CES2: variants seen among roughly 807,000 people sequenced by gnomAD.
CES2 encodes the protein carboxylesterase 2, also known as cocaine esterase.
CES2 carries 42 observed loss-of-function variants against 52.1 expected under a neutral mutation model. That is an observed-to-expected ratio of 0.81 (90% confidence interval 0.63 to 1.04). The LOEUF is 1.04. CES2 is among the 50% of genes least tolerant of loss of function. The probability of loss-of-function intolerance (pLI) is 0.00; values close to 1 mark genes in which losing one functional copy is unlikely to be tolerated. For missense variants in CES2, 656 were observed against 724.3 expected, an observed-to-expected ratio of 0.91 and a Z score of 1.08; for synonymous variants, 277 against 289.6, an observed-to-expected ratio of 0.96 and a Z score of 0.44.
chr16:66,942,205 A>G lies in CES2; in HGVS notation c.1238A>G (p.Asp413Gly), dbSNP rs185100201. ...GCGCAGTTCCAGGAGATGATGGCGGACTCCATGTTTGTGATCCCTGCACTC... is the reference window on the plus strand; with the variant it reads ...GCGCAGTTCCAGGAGATGATGGCGGGCTCCATGTTTGTGATCCCTGCACTC... ...LQAQFQEMMA[D>G]SMFVIPALQV... Residue 413 changes from aspartate (D) to glycine (G), a missense_variant, in exon 9 of 12, where the codon GAC (aspartate) becomes GGC (glycine). Coordinates refer to ENST00000317091, the MANE Select transcript of CES2 (RefSeq NM_001365405.1). 4.3e-6 allele frequency: 7 copies of G among 1,613,404 alleles called. No homozygotes were observed. The highest frequency in any genetic ancestry group is 5.9e-6 in the Non-Finnish European group (7 of 1,179,708).
At chr16:66,939,141 G>A (rs1963290946) in intron 2 of CES2, 76 bp from the exon 3 acceptor site, 1 of 1,298,974 alleles carries the variant, frequency 7.7e-7, no homozygotes, top group Non-Finnish European at 1.1e-6. Flanking sequence ...GAGGGTGGCT[G>A]GGAGCACCTC....
Position 66,940,321 on chromosome 16 carries a change from A to G in CES2, c.523A>G (p.Ile175Val). The change falls in exon 4 of 12, where the codon ATC becomes GTC. Residue 175 changes from isoleucine (I) to valine (V), a missense_variant. Physicochemically the swap from Ile to Val is conservative, Grantham distance 29. Coordinates refer to ENST00000317091, the MANE Select transcript of CES2 (RefSeq NM_001365405.1). ...AALENVVVVIIQYRLGVLGFF... is the reference protein window; with the variant it reads ...AALENVVVVIVQYRLGVLGFF... ...CTTGGAGAACGTGGTGGTGGTCATC[A>G]TCCAGTACCGCCTGGGTGTCCTGGG... The G allele has an allele frequency of 6.2e-7, 1 of 1,614,122 alleles. No homozygotes were observed. The highest frequency in any genetic ancestry group is 8.5e-7 in the Non-Finnish European group (1 of 1,180,032).
upstream of CES2, chr16:66,934,891 C>T (rs1963161893): frequency 6.2e-6 from 1 of 160,408 alleles, no homozygotes; most frequent in Admixed American, 6.2e-5. This position sits in a 1 kb window ranked among gnomAD's most constrained non-coding sequence, Gnocchi z 4.1. Context: ...GATAAATGAC[C>T]ATGGCCGTGG....
chr16:66,941,019 G>A, intron 5 of CES2, 105 bp from the exon 6 acceptor site: 1 of 1,498,354 alleles, frequency 6.7e-7, no homozygotes, highest in South Asian at 1.2e-5. Context: ...CTCATACGAA[G>A]TACCCTCTGA....
Position 66,941,833 on chromosome 16 carries a change from A to C in CES2, c.1122A>C (p.Lys374Asn). ...DREASQAALQKMLTLLMLPPT... is the reference protein window; with the variant it reads ...DREASQAALQNMLTLLMLPPT... ...AGGCCTCCCAGGCTGCTCTGCAGAA[A>C]ATGTTAACGCTGCTGGTAAGGCTCC... is the stretch of plus-strand genomic sequence containing the variant. The change falls in exon 8 of 12, where the codon AAA becomes AAC. Residue 374 changes from lysine (K) to asparagine (N), a missense_variant. Coordinates refer to ENST00000317091, the MANE Select transcript of CES2 (RefSeq NM_001365405.1). 1 of 1,614,086 alleles carries C rather than the reference A, an allele frequency of 6.2e-7. No individual in the cohort carries two copies.
chr16:66,941,242 G>A lies in CES2; in HGVS notation c.915+20G>A. ...AACAAGGTTGGTCTAAATGGATGTGGGTGTAGAGGAAGGGGTGCAATAGGC... is the reference window on the plus strand; with the variant it reads ...AACAAGGTTGGTCTAAATGGATGTGAGTGTAGAGGAAGGGGTGCAATAGGC... On this transcript the variant is annotated intron_variant, in intron 6 of 11. Transcript: ENST00000317091. The A allele has an allele frequency of 6.2e-7, 1 of 1,613,346 alleles. No individual in the cohort carries two copies. Among genetic ancestry groups the A allele is most frequent in the Middle Eastern group, 1.7e-4 (1 of 6,058 alleles).
In CES2 at chr16:66,935,574, G is replaced by T; in HGVS notation, c.-62G>T. On this transcript the variant is annotated 5_prime_UTR_variant, in exon 1 of 12. Coordinates refer to ENST00000317091, the MANE Select transcript of CES2 (RefSeq NM_001365405.1). Reference sequence around the variant, plus strand: ...CTGATCCACTGCTGGACAGACCCGGGGCAGCCTCTGGGTGAACAGCAGCGT... The same window carrying T: ...CTGATCCACTGCTGGACAGACCCGGTGCAGCCTCTGGGTGAACAGCAGCGT... 1 of 1,613,578 alleles carries T rather than the reference G, an allele frequency of 6.2e-7. No individual in the cohort carries two copies. The highest frequency in any genetic ancestry group is 8.5e-7 in the Non-Finnish European group (1 of 1,180,038).
At position 66,940,217 on chromosome 16, in the gene CES2, C is replaced by G; in HGVS notation, c.424-5C>G. Reference sequence around the variant, plus strand: ...GCATCATGGTAGCTGCCTTGATTTCCCCAGGTGATGGTGTGGATCCACGGT... The same window carrying G: ...GCATCATGGTAGCTGCCTTGATTTCGCCAGGTGATGGTGTGGATCCACGGT... On this transcript the variant is annotated splice_region_variant and splice_polypyrimidine_tract_variant and intron_variant, in intron 3 of 11. Coordinates refer to ENST00000317091, the MANE Select transcript of CES2 (RefSeq NM_001365405.1). 6.2e-7 allele frequency: 1 copy of G among 1,613,592 alleles called. No individual in the cohort carries two copies. Among genetic ancestry groups the G allele is most frequent in the Non-Finnish European group, 8.5e-7 (1 of 1,179,804 alleles).
In CES2 at chr16:66,942,718, G is replaced by T. The variant is rs768040510; in HGVS notation, c.1353G>T (p.Pro451=). Residue 451 remains proline, a synonymous_variant, in exon 10 of 12, where the codon CCG becomes CCT. Coordinates refer to ENST00000317091, the MANE Select transcript of CES2 (RefSeq NM_001365405.1). Reference sequence around the variant, plus strand: ...GCTGGCTCAAGAACATCAGGCCACCGCACATGAAGGCAGACCATGGTGATG... The same window carrying T: ...GCTGGCTCAAGAACATCAGGCCACCTCACATGAAGGCAGACCATGGTGATG... ...QPSWLKNIRP[P]HMKADHGDEL... 2 of 1,614,196 alleles carry T rather than the reference G, an allele frequency of 1.2e-6. No homozygotes were observed. The highest frequency in any genetic ancestry group is 2.7e-5 in the African/African-American group (2 of 75,054).
intron 1 of CES2, among the ~76,000 whole-genome samples, chr16:66,936,581 G>C (rs1322904668): frequency 1.3e-5 from 2 of 152,092 alleles, no homozygotes; most frequent in Non-Finnish European, 2.9e-5. Context: ...CTCATCCTGG[G>C]CAAGGGCACA....
Position 66,936,085 on chromosome 16 carries a change from A to G in CES2, c.76+374A>G. 7 of 1,032,642 alleles carry G rather than the reference A, an allele frequency of 6.8e-6. No individual in the cohort carries two copies. The South Asian group carries it at 1.2e-4, about 18-fold the overall frequency. The allele number at this position is 1,032,642 out of a possible 1,614,324, so 64.0% of individuals were successfully genotyped here. A position where few individuals can be genotyped will look rare whatever the true frequency, so the allele number is the denominator to read the frequency against. On this transcript the variant is annotated intron_variant, in intron 1 of 11. Coordinates refer to ENST00000317091, the MANE Select transcript of CES2 (RefSeq NM_001365405.1). Reference sequence around the variant, plus strand: ...GGTGCTGCCGGCCGGTAATAACAGTAATAGCTTCTGGCAGCATCTGGCTCT... The same window carrying G: ...GGTGCTGCCGGCCGGTAATAACAGTGATAGCTTCTGGCAGCATCTGGCTCT...
upstream of CES2, chr16:66,934,672 G>A (rs1056537293): frequency 8.9e-5 from 33 of 369,974 alleles, no homozygotes; most frequent in Non-Finnish European, 1.4e-4. This position sits in a 1 kb window ranked among gnomAD's most constrained non-coding sequence, Gnocchi z 4.1. Context: ...AAGGCGGTCG[G>A]AGGTAATCCC....
intron 5 of CES2, 94 bp downstream of exon 5, chr16:66,940,789 G>A (rs1597008534): frequency 6.9e-6 from 10 of 1,448,928 alleles, no homozygotes; most frequent in East Asian, 2.4e-5. Context: ...AAGGGCCATC[G>A]GGAGCATGCT....
chr16:66,940,105 G>A (rs1017205928), intron 3 of CES2, 117 bp from the exon 4 acceptor site: 6 of 1,405,510 alleles, frequency 4.3e-6, no homozygotes, highest in Admixed American at 2.1e-5. Context: ...TAATGAATTT[G>A]TGCTGGAGAT....
At position 66,942,643 on chromosome 16, in the gene CES2, C is replaced by G. The variant is rs539437735; in HGVS notation, c.1283-5C>G. The stretch of plus-strand genomic sequence containing the variant: ...CCACCGTGTCATGGGCTGTCCACCC[C>G]ACAGGTTCCCGGGCCCCTGTGTACT... On this transcript the variant is annotated splice_polypyrimidine_tract_variant and splice_region_variant and intron_variant, in intron 9 of 11. Coordinates refer to ENST00000317091, the MANE Select transcript of CES2 (RefSeq NM_001365405.1). 6.2e-6 allele frequency: 10 copies of G among 1,614,048 alleles called. No individual in the cohort carries two copies. In the South Asian group the frequency reaches 8.8e-5, roughly 14 times the overall value.
Position 66,941,229 on chromosome 16 carries a change from C to G in CES2, c.915+7C>G. The stretch of plus-strand genomic sequence containing the variant: ...GATTCTTGCAATTAACAAGGTTGGT[C>G]TAAATGGATGTGGGTGTAGAGGAAG... On this transcript the variant is annotated splice_region_variant and intron_variant, in intron 6 of 11. Transcript: ENST00000317091. 1 of 1,613,836 alleles carries G rather than the reference C, an allele frequency of 6.2e-7. No individual in the cohort carries two copies. The highest frequency in any genetic ancestry group is 8.5e-7 in the Non-Finnish European group (1 of 1,179,916).
chr16:66,941,694 G>A (rs764331896), intron 7 of CES2, 48 bp downstream of exon 7: 22 of 1,613,144 alleles, frequency 1.4e-5, no homozygotes, highest in Non-Finnish European at 1.8e-5. Flanking sequence ...CCATCTGGTA[G>A]TGGGGGGTGT....
At position 66,938,211 on chromosome 16, in the gene CES2, G is replaced by C; in HGVS notation, c.251G>C (p.Gly84Ala). 6.2e-7 allele frequency: 1 copy of C among 1,614,144 alleles called. No individual in the cohort carries two copies. The highest frequency in any genetic ancestry group is 1.1e-5 in the South Asian group (1 of 91,086). The change falls in exon 2 of 12, where the codon GGT becomes GCT. Residue 84 changes from glycine to alanine, a missense_variant. By Grantham distance (60) the Gly-to-Ala change is moderately conservative. Transcript: ENST00000317091. ...CCTGAGCCCCCTGAATCTTGGAGTGGTGTGAGGGATGGAACCACCCATCCG... is the reference window on the plus strand; with the variant it reads ...CCTGAGCCCCCTGAATCTTGGAGTGCTGTGAGGGATGGAACCACCCATCCG... ...APPEPPESWS[G>A]VRDGTTHPAM...
chr16:66,939,230 C>T lies in CES2; in HGVS notation c.295C>T (p.Leu99Phe). ...CCTGGTTACCAGGTGTCTACAGGAC[C>T]TCACCGCAGTGGAGTCAGAGTTTCT... ...TTHPAMCLQD[L>F]TAVESEFLSQ... The change falls in exon 3 of 12, where the codon CTC becomes TTC. Residue 99 changes from leucine (L) to phenylalanine (F), a missense_variant. Leu to Phe is a conservative substitution (Grantham distance 22). Transcript: ENST00000317091. 1 of 1,613,494 alleles carries T rather than the reference C, an allele frequency of 6.2e-7. No homozygotes were observed.
Sources: allele counts gnomAD v4.1 joint callset (sites outside exome capture counted in the v4.1 genomes callset), GRCh38; gene constraint gnomAD v4.1.1; non-coding constraint Gnocchi (gnomAD v3.1); transcripts MANE v1.5; gene names NCBI Gene and HGNC (gene_info 2026-07-23, HGNC 2026-07-21).